Variants in NUP155 observed in about 807,000 individuals in gnomAD.
The protein encoded by NUP155 is nucleoporin 155, also known as nuclear pore complex protein Nup155.
A neutral mutation model predicts 180.4 loss-of-function variants in NUP155; 71 were observed. That is an observed-to-expected ratio of 0.39 (90% confidence interval 0.33 to 0.48). NUP155 has a LOEUF of 0.48. Ranked by LOEUF, NUP155 falls within the 20% of genes least tolerant of loss-of-function variation. The pLI is 0.91. For missense variants in NUP155, 1,553 were observed against 1,648.9 expected (o/e 0.94, Z 1.01); for synonymous variants, 582 against 559.5 (o/e 1.04, Z -0.57).
At chr5:37,300,121 G>A (rs1484017215) in intron 30 of NUP155, among the ~76,000 whole-genome samples, 2 of 151,712 alleles carry the variant, frequency 1.3e-5, no homozygotes, top group African/African-American at 4.8e-5. Flanking sequence ...ATGTTGCAAC[G>A]ACATTCTATT....
intron 29 of NUP155, among the ~76,000 whole-genome samples, chr5:37,301,991 G>T (rs918833068): frequency 6.6e-6 from 1 of 152,316 alleles, no homozygotes; most frequent in Admixed American, 6.5e-5. Context: ...CCAGAAAATA[G>T]AACTTGGGTT....
rs201860324 is a variant in NUP155, at chr5:37,307,922, AC to A, written c.2768-491del. Among the ~76,000 whole-genome samples the A allele has an allele frequency of 5.2e-3, 446 of 86,048 alleles. 2 individuals are homozygous for A. The highest frequency in any genetic ancestry group is 7.0e-3 in the Non-Finnish European group (359 of 51,478). The allele number at this position is 86,048 out of a possible 152,430, so 56.5% of individuals were successfully genotyped here. Reference sequence around the variant, plus strand: ...GGGTGACAGAACAAGACTCTGTCTCACAAAAAAAAAAAGAAAAAGGAAAAAA... The same window carrying A: ...GGGTGACAGAACAAGACTCTGTCTCAAAAAAAAAAAAGAAAAAGGAAAAAA... On this transcript the variant is annotated intron_variant, in intron 24 of 34. Coordinates refer to ENST00000231498, the MANE Select transcript of NUP155 (RefSeq NM_153485.3).
At chr5:37,329,952 G>T in intron 15 of NUP155, 86 bp downstream of exon 15, 1 of 954,718 alleles carries the variant, frequency 1.0e-6, no homozygotes, top group Non-Finnish European at 1.7e-6. Flanking sequence ...CAACTGTTTG[G>T]CAAGGCTTTA....
chr5:37,302,764 A>T lies in NUP155; in HGVS notation c.3447+15T>A, dbSNP rs749829725. Reference sequence around the variant, plus strand: ...GTACTCAATGTGGACACAGCTTAAGATCTTTAGCACTTACCTCCATTTTTT... The same window carrying T: ...GTACTCAATGTGGACACAGCTTAAGTTCTTTAGCACTTACCTCCATTTTTT... On this transcript the variant is annotated intron_variant, in intron 29 of 34. Transcript: ENST00000231498. 1.9e-6 allele frequency: 3 copies of T among 1,613,694 alleles called. No individual in the cohort carries two copies. Among genetic ancestry groups the T allele is most frequent in the Non-Finnish European group, 2.5e-6 (3 of 1,179,816 alleles).
chr5:37,367,352 C>G (rs1428281583), intron 1 of NUP155, among the ~76,000 whole-genome samples: 2 of 151,374 alleles, frequency 1.3e-5, no homozygotes, highest in African/African-American at 2.4e-5. Flanking sequence ...GATGCCAGGA[C>G]TACAGGAGTG....
chr5:37,333,464 T>A lies in NUP155; in HGVS notation c.1517A>T (p.Gln506Leu). The stretch of plus-strand genomic sequence containing the variant: ...TACCATAACAGAATACGTACACACC[T>A]GTGCTGAGAGGAGAACAAATTTCTT... ...PPKKFVLLSA[Q>L]GSLMFHKLRP... Residue 506 changes from glutamine (Q) to leucine (L), a missense_variant and splice_region_variant, in exon 13 of 35, where the codon CAG becomes CTG. Transcript: ENST00000231498. The A allele has an allele frequency of 6.2e-7, 1 of 1,613,680 alleles. No individual in the cohort carries two copies. The highest frequency in any genetic ancestry group is 8.5e-7 in the Non-Finnish European group (1 of 1,179,544).
At chr5:37,334,474 A>G (rs1269569914) in intron 12 of NUP155, among the ~76,000 whole-genome samples, 1 of 150,964 alleles carries the variant, frequency 6.6e-6, no homozygotes. Flanking sequence ...TCTGCTTCCC[A>G]GGTTCATGCA....
chr5:37,335,380 G>GAA (rs5867345), intron 12 of NUP155, among the ~76,000 whole-genome samples: 5,227 of 116,540 alleles, frequency 0.045, 418 homozygotes, highest in African/African-American at 0.18. Flanking sequence ...CCCTGTCTCA[G>GAA]AAAAAAAAAA....
chr5:37,346,010 A>T (rs1746059612), intron 9 of NUP155, among the ~76,000 whole-genome samples: 1 of 152,176 alleles, frequency 6.6e-6, no homozygotes, highest in East Asian at 1.9e-4. Context: ...AGGGAAAAAC[A>T]GAAAATTATG....
At chr5:37,303,045 T>A (rs1318944994) in intron 28 of NUP155, 137 bp from the exon 29 acceptor site, 29 of 1,108,014 alleles carry the variant, frequency 2.6e-5, no homozygotes, top group Admixed American at 1.4e-4. Context: ...TCATTAGATT[T>A]AAAAAAAAAT....
intron 3 of NUP155, among the ~76,000 whole-genome samples, chr5:37,360,246 G>C (rs1381367063): frequency 6.6e-6 from 1 of 152,220 alleles, no homozygotes; most frequent in Admixed American, 6.5e-5. Context: ...CATTTTGGGA[G>C]GCTGAGGCGG....
chr5:37,302,772 C>T lies in NUP155; in HGVS notation c.3447+7G>A, dbSNP rs375200495. ...TGTGGACACAGCTTAAGATCTTTAG[C>T]ACTTACCTCCATTTTTTCTTCTAAT... On this transcript the variant is annotated splice_region_variant and intron_variant, in intron 29 of 34. Transcript: ENST00000231498. The T allele has an allele frequency of 1.5e-5, 24 of 1,613,322 alleles. No individual in the cohort carries two copies. The highest frequency in any genetic ancestry group is 2.7e-5 in the African/African-American group (2 of 74,900).
chr5:37,292,152 G>A (rs1380899429), intron 34 of NUP155, 114 bp from the exon 35 acceptor site: 2 of 945,782 alleles, frequency 2.1e-6, no homozygotes, highest in East Asian at 2.6e-5. Flanking sequence ...GAAAGACCAT[G>A]TGATTAAGTA....
chr5:37,311,914 G>A (rs1438979197), intron 22 of NUP155, among the ~76,000 whole-genome samples: 3 of 152,086 alleles, frequency 2.0e-5, no homozygotes, highest in Non-Finnish European at 2.9e-5. Context: ...CCAGCTACTC[G>A]GGAAGCTGAG....
At chr5:37,348,729 T>C (rs982425016) in intron 8 of NUP155, 133 bp from the exon 9 acceptor site, 6 of 683,248 alleles carry the variant, frequency 8.8e-6, no homozygotes, top group African/African-American at 7.2e-5. Context: ...CGAAATTTCA[T>C]AGAAAGGGGA....
At chr5:37,362,228 T>C (rs959795264) in intron 3 of NUP155, among the ~76,000 whole-genome samples, 2 of 151,920 alleles carry the variant, frequency 1.3e-5, no homozygotes, top group South Asian at 2.1e-4. Flanking sequence ...ATACATAAGA[T>C]CAATATGTAT....
intron 1 of NUP155, 32 bp from the exon 2 acceptor site, chr5:37,364,416 T>A (rs909652591): frequency 1.2e-6 from 2 of 1,601,366 alleles, no homozygotes; most frequent in Non-Finnish European, 1.7e-6. Flanking sequence ...TTTATAATAA[T>A]GTACTGCTCA....
chr5:37,305,044 C>CA lies in NUP155; in HGVS notation c.3057+12_3057+13insT, dbSNP rs1350112355. On this transcript the variant is annotated intron_variant, in intron 26 of 34. Transcript: ENST00000231498. ...AGTGTATTCTCAGAATGAAAATATACTATGTCCCTTACATGATGTCCTGCT... is the reference window on the plus strand; with the variant it reads ...AGTGTATTCTCAGAATGAAAATATACATATGTCCCTTACATGATGTCCTGCT... 1.2e-6 allele frequency: 2 copies of CA among 1,612,756 alleles called. No individual in the cohort carries two copies. Among genetic ancestry groups the CA allele is most frequent in the Non-Finnish European group, 8.5e-7 (1 of 1,179,734 alleles).
chr5:37,298,437 TAAGA>T (rs780846505), intron 32 of NUP155, among the ~76,000 whole-genome samples: 9 of 152,132 alleles, frequency 5.9e-5, no homozygotes, highest in Non-Finnish European at 8.8e-5. Flanking sequence ...CATATCTCAT[TAAGA>T]AAGGGATTCA....
Sources: gnomAD v4.1 joint callset for allele counts (sites outside exome capture counted in the v4.1 genomes callset) on GRCh38, gnomAD v4.1.1 for gene constraint, MANE v1.5 for transcripts, NCBI Gene and HGNC (gene_info 2026-07-23, HGNC 2026-07-21) for gene names.